Variants in TRPC5 observed in about 807,000 individuals in gnomAD.
TRPC5 encodes the protein short transient receptor potential channel 5.
A neutral mutation model predicts 56.5 loss-of-function variants in TRPC5; 9 were observed. That is an observed-to-expected ratio of 0.16 (90% confidence interval 0.10 to 0.28). The LOEUF is 0.28. TRPC5 is among the 10% of genes least tolerant of loss of function. The pLI is 1.00. For synonymous variants in TRPC5, 282 were observed against 278.5 expected (o/e 1.01, Z -0.13); for missense variants, 469 against 748.9 (o/e 0.63, Z 4.36).
intron 7 of TRPC5, among the ~76,000 whole-genome samples, chrX:111,793,266 G>A (rs780676287): frequency 8.9e-6 from 1 of 111,766 alleles, no homozygotes; most frequent in South Asian, 3.8e-4. Flanking sequence ...AGATCTGAGT[G>A]ACACTTGCTG....
At chrX:111,922,301 A>G (rs1181333414) in intron 2 of TRPC5, among the ~76,000 whole-genome samples, 1 of 111,473 alleles carries the variant, frequency 9.0e-6, no homozygotes, top group African/African-American at 3.3e-5. Flanking sequence ...CTGCTCACAG[A>G]CCCAACCTCT....
At chrX:112,038,298 G>A (rs1210360513) in intron 1 of TRPC5, among the ~76,000 whole-genome samples, 1 of 112,063 alleles carries the variant, frequency 8.9e-6, no homozygotes, top group Non-Finnish European at 1.9e-5. Flanking sequence ...TGTACACTTC[G>A]TTGCCTCCTT....
intron 5 of TRPC5, among the ~76,000 whole-genome samples, chrX:111,849,398 A>C (rs985189763): frequency 3.5e-5 from 4 of 112,713 alleles, no homozygotes; most frequent in African/African-American, 1.3e-4. Flanking sequence ...CAGATAGTAC[A>C]TATTTTTGGC....
At chrX:111,922,783 G>A (rs1926157880) in intron 2 of TRPC5, among the ~76,000 whole-genome samples, 2 of 111,819 alleles carry the variant, frequency 1.8e-5, no homozygotes, top group South Asian at 7.4e-4. Flanking sequence ...TGGGGATAAT[G>A]TCACAGAACC....
chrX:112,077,009 A>G lies in TRPC5; in HGVS notation c.-22+4870T>C, dbSNP rs1930851158. Among the ~76,000 whole-genome samples, 3 of 112,217 alleles carry G rather than the reference A, an allele frequency of 2.7e-5. No individual in the cohort carries two copies. The South Asian group carries it at 1.1e-3, about 42-fold the overall frequency. Reference sequence around the variant, plus strand: ...AATTATTAGCCAAATCGTATGAATTATATCTTCTATTTATTGATTGTTCAC... The same window carrying G: ...AATTATTAGCCAAATCGTATGAATTGTATCTTCTATTTATTGATTGTTCAC... On this transcript the variant is annotated intron_variant, in intron 1 of 10. Coordinates refer to ENST00000262839, the MANE Select transcript of TRPC5 (RefSeq NM_012471.3).
intron 6 of TRPC5, among the ~76,000 whole-genome samples, chrX:111,836,530 TG>T (rs753475903): frequency 2.7e-5 from 3 of 112,061 alleles, no homozygotes; most frequent in Non-Finnish European, 5.6e-5. Context: ...TCAGCTCAAA[TG>T]TCACTTCTTC....
At chrX:111,861,759 G>A (rs1231806196) in intron 3 of TRPC5, among the ~76,000 whole-genome samples, 2 of 111,500 alleles carry the variant, frequency 1.8e-5, no homozygotes, top group Admixed American at 9.6e-5. Flanking sequence ...TACTGAACCG[G>A]TGGGAGCAAA....
At chrX:111,936,423 C>T (rs776119522) in intron 2 of TRPC5, among the ~76,000 whole-genome samples, 1 of 108,803 alleles carries the variant, frequency 9.2e-6, no homozygotes, top group South Asian at 4.1e-4. Flanking sequence ...ATACATGTGC[C>T]ATGCTGGTGT....
At chrX:111,939,106 G>A (rs1926693580) in intron 2 of TRPC5, among the ~76,000 whole-genome samples, 1 of 111,867 alleles carries the variant, frequency 8.9e-6, no homozygotes, top group South Asian at 3.7e-4. Context: ...ATTTTATCAT[G>A]AATGGATGCT....
intron 7 of TRPC5, among the ~76,000 whole-genome samples, chrX:111,807,106 A>G (rs1450705307): frequency 9.0e-6 from 1 of 111,331 alleles, no homozygotes; most frequent in Non-Finnish European, 1.9e-5. Flanking sequence ...GAATATTAAT[A>G]TATTTCTATA....
At chrX:111,842,662 A>G (rs1479270719) in intron 6 of TRPC5, among the ~76,000 whole-genome samples, 2 of 112,306 alleles carry the variant, frequency 1.8e-5, no homozygotes, top group Middle Eastern at 4.2e-3. Flanking sequence ...ACTGGATGAC[A>G]GGATAAAGAC....
chrX:111,841,571 C>T (rs1214507780), intron 6 of TRPC5, among the ~76,000 whole-genome samples: 3 of 112,153 alleles, frequency 2.7e-5, no homozygotes, highest in Non-Finnish European at 5.6e-5. Flanking sequence ...GTTCCTAGCA[C>T]GCAGTAAATA....
intron 6 of TRPC5, among the ~76,000 whole-genome samples, chrX:111,836,572 T>C (rs992941011): frequency 8.9e-6 from 1 of 111,920 alleles, no homozygotes; most frequent in African/African-American, 3.3e-5. Flanking sequence ...CTCTACCTAA[T>C]GTAGCTCCAT....
rs1923113507 is a variant in TRPC5 at position 111,852,497 on chromosome X, G to C, written c.1238-60C>G. On this transcript the variant is annotated intron_variant, in intron 4 of 10. Coordinates refer to ENST00000262839, the MANE Select transcript of TRPC5 (RefSeq NM_012471.3). ...AGGGTCAGCCCTGCTCATCATAGAA[G>C]GATTCCCCCCTCCAGGTGAATAAGG... 5 of 1,077,661 alleles carry C rather than the reference G, an allele frequency of 4.6e-6. No individual in the cohort carries two copies. In the Admixed American group the frequency reaches 1.4e-4, roughly 31 times the overall value. The allele number at this position is 1,077,661 out of a possible 1,213,427, so 88.8% of individuals were successfully genotyped here. A position where few individuals can be genotyped will look rare whatever the true frequency, so the allele number is the denominator to read the frequency against.
chrX:111,852,329 G>A lies in TRPC5; in HGVS notation c.1346C>T (p.Thr449Ile), dbSNP rs1165190739. The A allele has an allele frequency of 8.3e-7, 1 of 1,209,852 alleles. No homozygotes were observed. The highest frequency in any genetic ancestry group is 1.1e-6 in the Non-Finnish European group (1 of 894,392). Residue 449 changes from threonine (T) to isoleucine (I), a missense_variant, in exon 5 of 11, where the codon ACT becomes ATT. By Grantham distance (89) the Thr-to-Ile change is moderately conservative. Transcript: ENST00000262839. ...ATAGGCCACAATCTTCAGGGAAATA[G>A]TTGCCAGGTAGAGGGAGTTCATTGC... ...DFAMNSLYLA[T>I]ISLKIVAYVK...
At chrX:112,008,972 A>T (rs1259099439) in intron 1 of TRPC5, among the ~76,000 whole-genome samples, 1 of 111,723 alleles carries the variant, frequency 9.0e-6, no homozygotes, top group African/African-American at 3.3e-5. Flanking sequence ...ACCCTGGCTT[A>T]TCCAGACCAT....
intron 3 of TRPC5, among the ~76,000 whole-genome samples, chrX:111,911,099 G>A (rs1293069765): frequency 8.9e-6 from 1 of 112,063 alleles, no homozygotes; most frequent in East Asian, 2.8e-4. Context: ...CCTGGTATTT[G>A]TTTTTTGCCT....
chrX:111,780,360 A>G (rs1328856296), intron 9 of TRPC5, among the ~76,000 whole-genome samples: 1 of 110,999 alleles, frequency 9.0e-6, no homozygotes, highest in Non-Finnish European at 1.9e-5. Flanking sequence ...GTAATTTATC[A>G]AGATCTAAAT....
At position 111,787,430 on chromosome X, in the gene TRPC5, G is replaced by T. The variant is rs761675523; in HGVS notation, c.1897-5292C>A. On this transcript the variant is annotated intron_variant, in intron 7 of 10. Coordinates refer to ENST00000262839, the MANE Select transcript of TRPC5 (RefSeq NM_012471.3). ...CAGTGTGTAGAGGGAAATTTATAGC[G>T]CTAAATGCCCACAAGAGAAAGCAGG... Among the ~76,000 whole-genome samples the T allele has an allele frequency of 7.4e-4, 82 of 110,616 alleles. 1 individual carries two copies. The highest frequency in any genetic ancestry group is 1.9e-4 in the Non-Finnish European group (10 of 52,843).
Sources: gnomAD v4.1 joint callset for allele counts (sites outside exome capture counted in the v4.1 genomes callset) on GRCh38, gnomAD v4.1.1 for gene constraint, MANE v1.5 for transcripts, NCBI Gene and HGNC (gene_info 2026-07-23, HGNC 2026-07-21) for gene names.